The following NFASC variants were observed in gnomAD, a reference collection of about 807,000 sequenced individuals.
NFASC encodes the protein neurofascin, also known as neurofascin homolog.
NFASC carries 43 observed loss-of-function variants against 147.5 expected under a neutral mutation model. The observed-to-expected ratio is 0.29, with a 90% CI of 0.23 to 0.38. The LOEUF (loss-of-function observed/expected upper bound fraction) is 0.38, where lower values mean the gene tolerates loss of function less well. Among genes scored for constraint, NFASC ranks in the 10% least tolerant of loss-of-function variants. The pLI is 1.00. For synonymous variants in NFASC, 622 were observed against 665.5 expected, an observed-to-expected ratio of 0.93 and a Z score of 1.01; for missense variants, 1,320 against 1,689.0, an observed-to-expected ratio of 0.78 and a Z score of 3.83.
At chr1:204,891,864 G>A (rs2082467581) in intron 1 of NFASC, among the ~76,000 whole-genome samples, 1 of 152,174 alleles carries the variant, frequency 6.6e-6, no homozygotes, top group Non-Finnish European at 1.5e-5. Flanking sequence ...CAACAAGCAT[G>A]GCTGCCACTT....
At chr1:204,879,678 G>A (rs752077565) in intron 1 of NFASC, among the ~76,000 whole-genome samples, 1 of 152,190 alleles carries the variant, frequency 6.6e-6, no homozygotes, top group Non-Finnish European at 1.5e-5. Context: ...TTTGAAAACA[G>A]GGCAGTTCTT....
Position 204,829,546 on chromosome 1 carries a change from G to A in NFASC, c.-200+764G>A, listed in dbSNP as rs1187757927. 6.6e-5 allele frequency among the ~76,000 whole-genome samples: 10 copies of A among 152,140 alleles called. No homozygotes were observed. In the East Asian group the frequency reaches 1.9e-3, roughly 29 times the overall value. ...GAATATAACCCCTTTCTGCATGTTC[G>A]ATCCTATTTGTGGCTTGGGGAAGAA... On this transcript the variant is annotated intron_variant, in intron 1 of 29. Coordinates refer to ENST00000339876, the MANE Select transcript of NFASC (RefSeq NM_001005388.3).
intron 1 of NFASC, among the ~76,000 whole-genome samples, chr1:204,869,185 A>G (rs1169535854): frequency 1.3e-5 from 2 of 152,224 alleles, no homozygotes; most frequent in African/African-American, 2.4e-5. Context: ...CTTGAAGCTC[A>G]GTATGAGCCA....
intron 1 of NFASC, among the ~76,000 whole-genome samples, chr1:204,846,656 A>G (rs1677108944): frequency 6.6e-6 from 1 of 152,100 alleles, no homozygotes; most frequent in African/African-American, 2.4e-5. Flanking sequence ...CAGACCTGGC[A>G]CAGAGAACCA....
intron 1 of NFASC, among the ~76,000 whole-genome samples, chr1:204,891,023 A>G (rs2082287984): frequency 6.6e-6 from 1 of 152,332 alleles, no homozygotes; most frequent in South Asian, 2.1e-4. Flanking sequence ...ATTCAGGGCC[A>G]GAAATTTGGG....
At chr1:204,848,014 T>G (rs1353566924) in intron 1 of NFASC, among the ~76,000 whole-genome samples, 1 of 152,152 alleles carries the variant, frequency 6.6e-6, no homozygotes, top group Non-Finnish European at 1.5e-5. Flanking sequence ...GGCTCTGCTT[T>G]TGTCTTCCCA....
intron 2 of NFASC, 83 bp from the exon 3 acceptor site, chr1:204,944,143 C>T (rs12061847): frequency 9.6e-6 from 12 of 1,245,120 alleles, no homozygotes; most frequent in Middle Eastern, 2.2e-4. Flanking sequence ...GGGGGCTCTT[C>T]GGTCCTCCAA....
rs1247669241 is a variant in NFASC at position 204,922,990 on chromosome 1, G to A, written c.-91+2250G>A. 3.9e-5 allele frequency among the ~76,000 whole-genome samples: 6 copies of A among 152,196 alleles called. No homozygotes were observed. In the South Asian group the frequency reaches 8.3e-4, roughly 21 times the overall value. On this transcript the variant is annotated intron_variant, in intron 2 of 29. Coordinates refer to ENST00000339876, the MANE Select transcript of NFASC (RefSeq NM_001005388.3). ...CATGAAGTAGGGCCCATTATTACCC[G>A]TGTTTTACTGATGGCAGAATAAAAG...
Position 204,997,232 on chromosome 1 carries a change from ACTGCCATTG to A in NFASC, c.2852_2860del (p.Ile951_Ala953del), listed in dbSNP as rs2095864171. ...GGGCGCTGTGAGCAGTACCGATGCT[ACTGCCATTG>A]CTGCCACCACCGAAGCCACAACAGT... On this transcript the variant is annotated inframe_deletion, in exon 25 of 30. Coordinates refer to ENST00000339876, the MANE Select transcript of NFASC (RefSeq NM_001005388.3). The A allele has an allele frequency of 1.2e-6, 2 of 1,613,462 alleles. No homozygotes were observed. Among genetic ancestry groups the A allele is most frequent in the Non-Finnish European group, 1.7e-6 (2 of 1,179,816 alleles).
At position 205,016,374 on chromosome 1, in the gene NFASC, G is replaced by C; in HGVS notation, c.3558G>C (p.Glu1186Asp). The C allele has an allele frequency of 6.2e-7, 1 of 1,614,146 alleles. No individual in the cohort carries two copies. The highest frequency in any genetic ancestry group is 8.5e-7 in the Non-Finnish European group (1 of 1,180,024). The change falls in exon 30 of 30, where the codon GAG (glutamate) becomes GAC (aspartate). Residue 1186 changes from glutamate (E) to aspartate (D), a missense_variant. Around this residue, in one of 3 missense-constraint regions of NFASC, gnomAD observed 167 missense variants for 233.8 expected, o/e 0.71. Transcript: ENST00000339876. The surrounding 1 kb of genome is among the most constrained non-coding windows in gnomAD (Gnocchi z 5.1). ...TSLDGTIKQQ[E>D]SDDSLVDYGE... ...TGGACGGCACCATCAAGCAGCAGGA[G>C]AGTGACGACAGCCTGGTGGACTATG...
chr1:204,936,472 G>A (rs976694372), intron 2 of NFASC, among the ~76,000 whole-genome samples: 1 of 152,162 alleles, frequency 6.6e-6, no homozygotes, highest in Non-Finnish European at 1.5e-5. Flanking sequence ...AAAGTGCTGG[G>A]ATTACAGGCG....
intron 1 of NFASC, among the ~76,000 whole-genome samples, chr1:204,877,115 T>C (rs1001786977): frequency 7.1e-6 from 1 of 140,074 alleles, no homozygotes; most frequent in African/African-American, 2.6e-5. Context: ...ATAAATAATA[T>C]TAAATGTTAA....
At chr1:204,842,361 A>G (rs1378267753) in intron 1 of NFASC, among the ~76,000 whole-genome samples, 1 of 152,214 alleles carries the variant, frequency 6.6e-6, no homozygotes, top group Non-Finnish European at 1.5e-5. Flanking sequence ...AAGTTTACTT[A>G]AAGTACAGAG....
At position 205,020,180 on chromosome 1, in the gene NFASC, C is replaced by T. The variant is rs540388296; in HGVS notation, c.*3641C>T. ...CACAGGTCTGAAAATCAGCCAGTGCCAACATTGCTTGCCCTGCAAGGTGCA... is the reference window on the plus strand; with the variant it reads ...CACAGGTCTGAAAATCAGCCAGTGCTAACATTGCTTGCCCTGCAAGGTGCA... On this transcript the variant is annotated 3_prime_UTR_variant, in exon 30 of 30. Transcript: ENST00000339876. 1.3e-5 allele frequency: 2 copies of T among 152,398 alleles called. No individual in the cohort carries two copies. The highest frequency in any genetic ancestry group is 4.8e-5 in the African/African-American group (2 of 41,570). 9.4% of individuals were successfully genotyped at this position (152,398 alleles called of 1,614,324 possible). A position where few individuals can be genotyped will look rare whatever the true frequency, so the allele number is the denominator to read the frequency against.
intron 2 of NFASC, among the ~76,000 whole-genome samples, chr1:204,940,684 A>C (rs1012499417): frequency 6.6e-6 from 1 of 152,212 alleles, no homozygotes; most frequent in Non-Finnish European, 1.5e-5. Context: ...GACATGTCAT[A>C]TCTATGGGAT....
chr1:204,923,229 G>A (rs540357501), intron 2 of NFASC, among the ~76,000 whole-genome samples: 28 of 152,256 alleles, frequency 1.8e-4, no homozygotes, highest in South Asian at 1.5e-3. Flanking sequence ...CTCTGAAACC[G>A]CCTAAGGAGG....
chr1:205,008,050 C>T (rs1355093303), intron 27 of NFASC, among the ~76,000 whole-genome samples: 2 of 152,226 alleles, frequency 1.3e-5, no homozygotes, highest in African/African-American at 4.8e-5. Flanking sequence ...CTTTTCAGCC[C>T]GGGGCGCCCT....
intron 2 of NFASC, 92 bp from the exon 3 acceptor site, chr1:204,944,134 G>T: frequency 1.8e-6 from 2 of 1,087,430 alleles, no homozygotes; most frequent in Non-Finnish European, 2.7e-6. Context: ...TGTGACCAAG[G>T]GGGCTCTTCG....
At position 204,991,321 on chromosome 1, in the gene NFASC, G is replaced by A. The variant is rs750688267; in HGVS notation, c.2782+15G>A. 1.3e-5 allele frequency: 21 copies of A among 1,611,504 alleles called. No homozygotes were observed. Among genetic ancestry groups the A allele is most frequent in the Middle Eastern group, 1.6e-4 (1 of 6,084 alleles). The stretch of plus-strand genomic sequence containing the variant: ...TCCAACCGCAGGTACCGTACCAGCC[G>A]CGGAGGTAATGGGCATGGCATGGGG... On this transcript the variant is annotated intron_variant, in intron 24 of 29. Transcript: ENST00000339876.
Sources: gnomAD v4.1 joint callset for allele counts (sites outside exome capture counted in the v4.1 genomes callset) on GRCh38, gnomAD v4.1.1 for gene constraint, gnomAD v4.1.1 regional missense constraint, Gnocchi (gnomAD v3.1) non-coding constraint, MANE v1.5 for transcripts, NCBI Gene and HGNC (gene_info 2026-07-23, HGNC 2026-07-21) for gene names.